The following AHNAK variants were observed in gnomAD, a reference collection of about 807,000 sequenced individuals.
The protein encoded by AHNAK is neuroblast differentiation-associated protein AHNAK.
In AHNAK, 23 loss-of-function variants were observed where a neutral mutation model predicts 37.8. The ratio of observed to expected loss-of-function variants is 0.61; its 90% CI spans 0.44 to 0.86. The LOEUF is 0.86. Among genes scored for constraint, AHNAK ranks in the 40% least tolerant of loss-of-function variants. AHNAK has a pLI of 0.00. For synonymous variants in AHNAK, 2,481 were observed against 2,636.3 expected, an observed-to-expected ratio of 0.94 and a Z score of 1.80; for missense variants, 7,411 against 7,319.4, an observed-to-expected ratio of 1.01 and a Z score of -0.46.
intron 4 of AHNAK, among the ~76,000 whole-genome samples, chr11:62,492,112 G>A (rs1335443863): frequency 1.3e-5 from 2 of 152,090 alleles, no homozygotes; most frequent in African/African-American, 4.8e-5. Context: ...GCTATCTCCG[G>A]TTCATCCACC....
chr11:62,501,102 C>T (rs1939703648), intron 4 of AHNAK, among the ~76,000 whole-genome samples: 1 of 151,790 alleles, frequency 6.6e-6, no homozygotes, highest in South Asian at 2.1e-4. Context: ...CGTGGTGGCA[C>T]TTGGGAGGTT....
intron 5 of AHNAK, among the ~76,000 whole-genome samples, chr11:62,452,588 A>G (rs1247375558): frequency 6.6e-6 from 1 of 152,168 alleles, no homozygotes; most frequent in African/African-American, 2.4e-5. Flanking sequence ...TGTTCATGCC[A>G]TATTTTTATC....
intron 4 of AHNAK, among the ~76,000 whole-genome samples, chr11:62,501,516 G>A (rs897457797): frequency 7.2e-5 from 11 of 152,298 alleles, no homozygotes; most frequent in East Asian, 3.9e-4. Context: ...GCAGTGAGCC[G>A]AGATCGCGCC....
At chr11:62,493,605 A>T (rs984759229) in intron 4 of AHNAK, among the ~76,000 whole-genome samples, 2 of 151,826 alleles carry the variant, frequency 1.3e-5, no homozygotes, top group African/African-American at 4.8e-5. Context: ...AAGTGCTAGG[A>T]TTACAGGCGT....
At position 62,526,184 on chromosome 11, in the gene AHNAK, C is replaced by G; in HGVS notation, c.8233G>C (p.Gly2745Arg). ...DLKGPEVDIK[G>R]PKVDIDAPDV... ...GGTGCGTCAATGTCCACTTTTGGGCCCTTGATGTCAACTTCTGGGCCCTTG... is the reference window on the plus strand; with the variant it reads ...GGTGCGTCAATGTCCACTTTTGGGCGCTTGATGTCAACTTCTGGGCCCTTG... Residue 2745 changes from glycine (G) to arginine (R), a missense_variant, in exon 5 of 5, where the codon GGC becomes CGC. Transcript: ENST00000378024. 6.2e-7 allele frequency: 1 copy of G among 1,613,666 alleles called. No individual in the cohort carries two copies.
rs12292433 is a variant in AHNAK, at chr11:62,520,356, T to C, written c.14061A>G (p.Lys4687=). 50,122 of 1,607,656 alleles carry C rather than the reference T, an allele frequency of 0.031. 1,086 individuals are homozygous for C. Among genetic ancestry groups the C allele is most frequent in the African/African-American group, 0.11 (7,894 of 73,170 alleles). The stretch of plus-strand genomic sequence containing the variant: ...TCACATCAGGAACATCAACGTCCAC[T>C]TTGGGTCCTGAGACATCAATGTCAG... ...PKADIDVSGP[K]VDVDVPDVNI... Residue 4687 remains lysine (K), a synonymous_variant, in exon 5 of 5, where the codon AAA becomes AAG. Transcript: ENST00000378024.
At chr11:62,465,573 A>C (rs1166887494) in intron 5 of AHNAK, among the ~76,000 whole-genome samples, 1 of 152,162 alleles carries the variant, frequency 6.6e-6, no homozygotes, top group Admixed American at 6.6e-5. Flanking sequence ...AGATCGTGCC[A>C]TTGCACTCCA....
At position 62,526,723 on chromosome 11, in the gene AHNAK, G is replaced by T; in HGVS notation, c.7694C>A (p.Pro2565His). Residue 2565 changes from proline (P) to histidine (H), a missense_variant, in exon 5 of 5, where the codon CCT (proline) becomes CAT (histidine). Transcript: ENST00000378024. ...GTTCATCTCTGGCATCTTTAACTTAGGCCCTTTCAACTTTCCCTCTGGTCC... is the reference window on the plus strand; with the variant it reads ...GTTCATCTCTGGCATCTTTAACTTATGCCCTTTCAACTTTCCCTCTGGTCC... ...IEGPEGKLKG[P>H]KLKMPEMNIK... The T allele has an allele frequency of 6.2e-7, 1 of 1,613,042 alleles. No individual in the cohort carries two copies. Among genetic ancestry groups the T allele is most frequent in the South Asian group, 1.1e-5 (1 of 90,980 alleles).
chr11:62,542,713 T>C (rs1443922784), intron 1 of AHNAK, among the ~76,000 whole-genome samples: 1 of 152,146 alleles, frequency 6.6e-6, no homozygotes, highest in East Asian at 1.9e-4. Context: ...GGGGACAGCC[T>C]ATGATCCAGT....
At chr11:62,481,855 G>A (rs545461778) in intron 5 of AHNAK, among the ~76,000 whole-genome samples, 11 of 151,568 alleles carry the variant, frequency 7.3e-5, no homozygotes, top group South Asian at 6.4e-4. Flanking sequence ...GTGAACCACC[G>A]CGCCTGGCCC....
At chr11:62,456,820 CAG>C in intron 5 of AHNAK, among the ~76,000 whole-genome samples, 1 of 152,286 alleles carries the variant, frequency 6.6e-6, no homozygotes, top group Admixed American at 6.5e-5. Context: ...GCAGGTGGTT[CAG>C]AGAGTCATCA....
At chr11:62,498,041 A>G (rs1442085577) in intron 4 of AHNAK, among the ~76,000 whole-genome samples, 3 of 152,212 alleles carry the variant, frequency 2.0e-5, no homozygotes, top group Non-Finnish European at 4.4e-5. Flanking sequence ...CAATATATCT[A>G]TGCTGCACAA....
chr11:62,511,372 C>A (rs1260781641), downstream of AHNAK, among the ~76,000 whole-genome samples: 1 of 152,132 alleles, frequency 6.6e-6, no homozygotes, highest in African/African-American at 2.4e-5. Flanking sequence ...CCTGCCTCAG[C>A]CACCAGAGTA....
At position 62,528,172 on chromosome 11, in the gene AHNAK, G is replaced by C; in HGVS notation, c.6245C>G (p.Pro2082Arg). ...ATCTGGGACTTCAACATCCACCTTG[G>C]GTCCTGAGACAACAACATCAGCCTT... ...LPKADVVVSG[P>R]KVDVEVPDVS... Residue 2082 changes from proline to arginine, a missense_variant, in exon 5 of 5, where the codon CCC becomes CGC. Pro to Arg is a moderately radical substitution (Grantham distance 103). Transcript: ENST00000378024. 6.2e-7 allele frequency: 1 copy of C among 1,613,692 alleles called. No homozygotes were observed. The highest frequency in any genetic ancestry group is 8.5e-7 in the Non-Finnish European group (1 of 1,179,964).
At position 62,439,665 on chromosome 11, in the gene AHNAK, A is replaced by ATT. The variant is rs34334316; in HGVS notation, c.443-5776_443-5775dup. Among the ~76,000 whole-genome samples, 268 of 83,268 alleles carry ATT rather than the reference A, an allele frequency of 3.2e-3. 8 individuals carry two copies. Among genetic ancestry groups the ATT allele is most frequent in the Non-Finnish European group, 4.4e-3 (173 of 39,062 alleles). 54.6% of individuals were successfully genotyped at this position (83,268 alleles called of 152,430 possible). ...TTGGTTTGTTTTGGATTTTTGTGTG[A>ATT]TTTTTTTTTTTTTTTTTTTTGAGAT... On this transcript the variant is annotated intron_variant, in intron 5 of 5. Coordinates refer to the AHNAK transcript ENST00000257247.
intron 5 of AHNAK, among the ~76,000 whole-genome samples, chr11:62,481,228 C>A (rs1042084444): frequency 6.6e-6 from 1 of 151,940 alleles, no homozygotes; most frequent in Non-Finnish European, 1.5e-5. Flanking sequence ...GTCTCAACCT[C>A]CCGAGTAGCT....
chr11:62,526,824 G>A lies in AHNAK; in HGVS notation c.7593C>T (p.Asp2531=), dbSNP rs376695384. 1.4e-5 allele frequency: 23 copies of A among 1,611,728 alleles called. No homozygotes were observed. Among genetic ancestry groups the A allele is most frequent in the East Asian group, 1.3e-4 (6 of 44,664 alleles). The change falls in exon 5 of 5, where the codon GAC becomes GAT. Residue 2531 remains aspartate, a synonymous_variant. Transcript: ENST00000378024. ...CAACGTCAGCCTTAGGCAAGTTGACGTCTACTTCAGGGCCCTCTGCTTTGA... is the reference window on the plus strand; with the variant it reads ...CAACGTCAGCCTTAGGCAAGTTGACATCTACTTCAGGGCCCTCTGCTTTGA... ...PGFKAEGPEV[D]VNLPKADVDI...
intron 5 of AHNAK, among the ~76,000 whole-genome samples, chr11:62,454,156 A>T (rs557566771): frequency 5.6e-4 from 85 of 151,310 alleles, no homozygotes; most frequent in Middle Eastern, 6.8e-3. Context: ...GCTCATGCCT[A>T]TAATCCCAGC....
Position 62,525,044 on chromosome 11 carries a change from C to T in AHNAK, c.9373G>A (p.Val3125Met), listed in dbSNP as rs79187953. The change falls in exon 5 of 5, where the codon GTG becomes ATG. Residue 3125 changes from valine to methionine, a missense_variant. Val to Met is a conservative substitution (Grantham distance 21, BLOSUM62 1). Coordinates refer to ENST00000378024, the MANE Select transcript of AHNAK (RefSeq NM_001620.3). ...TCCACTTTGGGGCCTTTAATATCCA[C>T]GTCAGGAACTTTCATGTCACCTTCC... Reference protein sequence around the residue: ...KVEGDMKVPDVDIKGPKVDIN... With the variant: ...KVEGDMKVPDMDIKGPKVDIN... 5.0e-5 allele frequency: 80 copies of T among 1,613,708 alleles called. No individual in the cohort carries two copies. Among genetic ancestry groups the T allele is most frequent in the African/African-American group, 1.2e-4 (9 of 74,854 alleles).
Sources: allele counts gnomAD v4.1 joint callset (sites outside exome capture counted in the v4.1 genomes callset), GRCh38; gene constraint gnomAD v4.1.1; transcripts MANE v1.5; gene names NCBI Gene and HGNC (gene_info 2026-07-23, HGNC 2026-07-21).